The following TMEM203 variants were observed in gnomAD, a reference collection of about 807,000 sequenced individuals.
The protein encoded by TMEM203 is transmembrane protein 203, also known as HBeAg-binding protein 1.
Under a neutral mutation model 7.9 loss-of-function variants are expected in TMEM203, and 4 were observed. That is an observed-to-expected ratio of 0.51 (90% CI 0.25 to 1.16). The LOEUF (loss-of-function observed/expected upper bound fraction) is 1.16, where lower values mean the gene tolerates loss of function less well. Ranked by LOEUF, TMEM203 falls within the 50% of genes most tolerant of loss-of-function variation. The pLI, the probability that TMEM203 is intolerant of heterozygous loss-of-function variation, is 0.15. For synonymous variants in TMEM203, 92 were observed against 82.5 expected, an observed-to-expected ratio of 1.11 and a Z score of -0.62; for missense variants, 127 against 174.4, an observed-to-expected ratio of 0.73 and a Z score of 1.53.
At position 137,204,782 on chromosome 9, in the gene TMEM203, AC is replaced by A; in HGVS notation, c.*221del. 1.6e-6 allele frequency: 1 copy of A among 632,200 alleles called. No individual in the cohort carries two copies. Among genetic ancestry groups the A allele is most frequent in the East Asian group, 2.8e-5 (1 of 35,392 alleles). The allele number at this position is 632,200 out of a possible 1,614,324, so 39.2% of individuals were successfully genotyped here. A position where few individuals can be genotyped will look rare whatever the true frequency, so the allele number is the denominator to read the frequency against. On this transcript the variant is annotated 3_prime_UTR_variant, in exon 1 of 1. Coordinates refer to ENST00000343666, the MANE Select transcript of TMEM203 (RefSeq NM_053045.2). ...CAGGATTATCTACTCAAAGCATTAA[AC>A]AAAAGGAAATACATTTTCAGGATGA...
In TMEM203 at chr9:137,204,816, T is replaced by A; in HGVS notation, c.*188A>T. On this transcript the variant is annotated 3_prime_UTR_variant, in exon 1 of 1. Transcript: ENST00000343666. ...AATACATTTTCAGGATGAAGGCTGC[T>A]CTTTTAAGCCCTGCTGAAGAAACCA... The A allele has an allele frequency of 1.4e-6, 1 of 709,078 alleles. No homozygotes were observed. Among genetic ancestry groups the A allele is most frequent in the Non-Finnish European group, 2.3e-6 (1 of 442,390 alleles). 43.9% of individuals were successfully genotyped at this position (709,078 alleles called of 1,614,324 possible).
chr9:137,205,223 G>A lies in TMEM203; in HGVS notation c.192C>T (p.Thr64=), dbSNP rs113235610. The A allele has an allele frequency of 1.3e-3, 2,051 of 1,612,052 alleles. 26 individuals are homozygous for A. The African/African-American group carries it at 0.024, about 19-fold the overall frequency. The stretch of plus-strand genomic sequence containing the variant: ...GGAAGAGGCGCACGGACACGATGGT[G>A]GTGAAGTAGGTGCTGAGCCCGTCAG... ...FAADGLSTYF[T]TIVSVRLFQD... The change falls in exon 1 of 1, where the codon ACC becomes ACT. Residue 64 remains threonine, a synonymous_variant. Coordinates refer to ENST00000343666, the MANE Select transcript of TMEM203 (RefSeq NM_053045.2).
In TMEM203 at chr9:137,205,208, C is replaced by T; in HGVS notation, c.207G>A (p.Val69=). 1.9e-6 allele frequency: 3 copies of T among 1,612,532 alleles called. No homozygotes were observed. The highest frequency in any genetic ancestry group is 2.5e-6 in the Non-Finnish European group (3 of 1,179,800). ...GCTTCTCTCCATCCTGGAAGAGGCG[C>T]ACGGACACGATGGTGGTGAAGTAGG... is the stretch of plus-strand genomic sequence containing the variant. ...LSTYFTTIVS[V]RLFQDGEKRL... is the part of the protein sequence containing the mutation. The change falls in exon 1 of 1, where the codon GTG becomes GTA. Residue 69 remains valine (V), a synonymous_variant. Coordinates refer to ENST00000343666, the MANE Select transcript of TMEM203 (RefSeq NM_053045.2).
Position 137,205,389 on chromosome 9 carries a change from A to T in TMEM203, c.26T>A (p.Val9Glu). MLFSLREL[V>E]QWLGFATFEI... ...GAAGGTGGCGAAGCCTAGCCACTGC[A>T]CCAGCTCCCGGAGCGAGAAGAGCAT... The change falls in exon 1 of 1, where the codon GTG (valine) becomes GAG (glutamate). Residue 9 changes from valine to glutamate, a missense_variant. Coordinates refer to ENST00000343666, the MANE Select transcript of TMEM203 (RefSeq NM_053045.2). 6.3e-7 allele frequency: 1 copy of T among 1,590,548 alleles called. No homozygotes were observed. The highest frequency in any genetic ancestry group is 8.6e-7 in the Non-Finnish European group (1 of 1,167,610).
In TMEM203 at chr9:137,205,013, C is replaced by T. The variant is rs756154774; in HGVS notation, c.402G>A (p.Arg134=). 1 of 1,605,120 alleles carries T rather than the reference C, an allele frequency of 6.2e-7. No individual in the cohort carries two copies. Among genetic ancestry groups the T allele is most frequent in the South Asian group, 1.1e-5 (1 of 90,884 alleles). Residue 134 remains arginine, a synonymous_variant, in exon 1 of 1, where the codon CGG becomes CGA. Transcript: ENST00000343666. ...LLQLLMIRAC[R]VN ...CGGCACCTCGGTGAGGCTAGTTGAC[C>T]CGACAGGCGCGGATCATGAGCAGCT...
rs1834900365 is a variant in TMEM203 at position 137,205,236 on chromosome 9, C to T, written c.179G>A (p.Ser60Asn). 6.2e-7 allele frequency: 1 copy of T among 1,611,930 alleles called. No individual in the cohort carries two copies. The highest frequency in any genetic ancestry group is 2.2e-5 in the East Asian group (1 of 44,844). Residue 60 changes from serine (S) to asparagine (N), a missense_variant, in exon 1 of 1, where the codon AGC (serine) becomes AAC (asparagine). Coordinates refer to ENST00000343666, the MANE Select transcript of TMEM203 (RefSeq NM_053045.2). ...FVPFFAADGL[S>N]TYFTTIVSVR... Reference sequence around the variant, plus strand: ...GGACACGATGGTGGTGAAGTAGGTGCTGAGCCCGTCAGCGGCGAAGAAAGG... The same window carrying T: ...GGACACGATGGTGGTGAAGTAGGTGTTGAGCCCGTCAGCGGCGAAGAAAGG...
Position 137,205,112 on chromosome 9 carries a change from C to T in TMEM203, c.303G>A (p.Leu101=). ...GAGTCTGCTCCGCCAGCTTCTGGCA[C>T]AACAGCATCTCGAAGACGAACTTGA... The part of the protein sequence containing the change: ...LSLKFVFEML[L]CQKLAEQTRE... The change falls in exon 1 of 1, where the codon TTG becomes TTA. Residue 101 remains leucine, a synonymous_variant. Coordinates refer to ENST00000343666, the MANE Select transcript of TMEM203 (RefSeq NM_053045.2). 1 of 1,612,986 alleles carries T rather than the reference C, an allele frequency of 6.2e-7. No individual in the cohort carries two copies. The highest frequency in any genetic ancestry group is 8.5e-7 in the Non-Finnish European group (1 of 1,179,996).
In TMEM203 at chr9:137,205,217, G is replaced by A. The variant is rs1013239376; in HGVS notation, c.198C>T (p.Ile66=). The A allele has an allele frequency of 1.9e-6, 3 of 1,612,246 alleles. No individual in the cohort carries two copies. The highest frequency in any genetic ancestry group is 2.5e-6 in the Non-Finnish European group (3 of 1,179,724). ...CATCCTGGAAGAGGCGCACGGACAC[G>A]ATGGTGGTGAAGTAGGTGCTGAGCC... ...ADGLSTYFTT[I]VSVRLFQDGE... Residue 66 remains isoleucine, a synonymous_variant, in exon 1 of 1, where the codon ATC becomes ATT. Coordinates refer to ENST00000343666, the MANE Select transcript of TMEM203 (RefSeq NM_053045.2).
chr9:137,204,984 T>A lies in TMEM203; in HGVS notation c.*20A>T. ...AACATTCTAGTTGTCCAGCGCTCCC[T>A]CTCCGGCACCTCGGTGAGGCTAGTT... On this transcript the variant is annotated 3_prime_UTR_variant, in exon 1 of 1. Transcript: ENST00000343666. 6.3e-7 allele frequency: 1 copy of A among 1,593,096 alleles called. No homozygotes were observed. The highest frequency in any genetic ancestry group is 8.6e-7 in the Non-Finnish European group (1 of 1,166,264).
chr9:137,205,538 C>T lies in TMEM203; in HGVS notation c.-124G>A. On this transcript the variant is annotated 5_prime_UTR_variant, in exon 1 of 1. Coordinates refer to ENST00000343666, the MANE Select transcript of TMEM203 (RefSeq NM_053045.2). ...TGCGAGCGAGAGGCAGCGAGCGGCC[C>T]CGCCAGCCCCAGCCCTCGGCCCTGA... The T allele has an allele frequency of 2.5e-6, 3 of 1,219,902 alleles. No individual in the cohort carries two copies. The highest frequency in any genetic ancestry group is 2.1e-6 in the Non-Finnish European group (2 of 942,652). 75.6% of individuals were successfully genotyped at this position (1,219,902 alleles called of 1,614,324 possible). A position where few individuals can be genotyped will look rare whatever the true frequency, so the allele number is the denominator to read the frequency against.
chr9:137,205,641 G>GC lies in TMEM203; in HGVS notation c.-228dup. ...AACGCCCGCCTCGATCGGACGCCAT[G>GC]CCCCCACAGGGCGCGTCCCTAGTGC... On this transcript the variant is annotated 5_prime_UTR_variant, in exon 1 of 1. Transcript: ENST00000343666. 1 of 1,433,068 alleles carries GC rather than the reference G, an allele frequency of 7.0e-7. No homozygotes were observed. Among genetic ancestry groups the GC allele is most frequent in the Non-Finnish European group, 9.5e-7 (1 of 1,051,794 alleles). 88.8% of individuals were successfully genotyped at this position (1,433,068 alleles called of 1,614,324 possible).
In TMEM203 at chr9:137,205,644, C is replaced by T; in HGVS notation, c.-230G>A. The T allele has an allele frequency of 2.1e-6, 3 of 1,457,168 alleles. No homozygotes were observed. The highest frequency in any genetic ancestry group is 1.8e-5 in the Admixed American group (1 of 56,328). 90.3% of individuals were successfully genotyped at this position (1,457,168 alleles called of 1,614,324 possible). ...GCCCGCCTCGATCGGACGCCATGCC[C>T]CCACAGGGCGCGTCCCTAGTGCGTC... On this transcript the variant is annotated 5_prime_UTR_variant, in exon 1 of 1. Coordinates refer to ENST00000343666, the MANE Select transcript of TMEM203 (RefSeq NM_053045.2).
At position 137,205,644 on chromosome 9, in the gene TMEM203, C is replaced by G; in HGVS notation, c.-230G>C. The G allele has an allele frequency of 6.9e-7, 1 of 1,457,168 alleles. No individual in the cohort carries two copies. Among genetic ancestry groups the G allele is most frequent in the Non-Finnish European group, 9.4e-7 (1 of 1,069,394 alleles). 90.3% of individuals were successfully genotyped at this position (1,457,168 alleles called of 1,614,324 possible). On this transcript the variant is annotated 5_prime_UTR_variant, in exon 1 of 1. Coordinates refer to ENST00000343666, the MANE Select transcript of TMEM203 (RefSeq NM_053045.2). The stretch of plus-strand genomic sequence containing the variant: ...GCCCGCCTCGATCGGACGCCATGCC[C>G]CCACAGGGCGCGTCCCTAGTGCGTC...
chr9:137,204,708 G>A lies in TMEM203; in HGVS notation c.*296C>T, dbSNP rs530262740. 1.1e-5 allele frequency: 4 copies of A among 350,758 alleles called. No individual in the cohort carries two copies. Among genetic ancestry groups the A allele is most frequent in the African/African-American group, 8.2e-5 (4 of 48,854 alleles). 21.7% of individuals were successfully genotyped at this position (350,758 alleles called of 1,614,324 possible). A position where few individuals can be genotyped will look rare whatever the true frequency, so the allele number is the denominator to read the frequency against. On this transcript the variant is annotated 3_prime_UTR_variant, in exon 1 of 1. Transcript: ENST00000343666. ...ACTTATATTCAGTTTCCAAGTGTCA[G>A]AGGGGTTCAGGACTGTCTGGCCTGG...
rs1225308872 is a variant in TMEM203 at position 137,205,457 on chromosome 9, C to A, written c.-43G>T. 6.9e-7 allele frequency: 1 copy of A among 1,457,014 alleles called. No individual in the cohort carries two copies. Among genetic ancestry groups the A allele is most frequent in the South Asian group, 1.4e-5 (1 of 71,328 alleles). The allele number at this position is 1,457,014 out of a possible 1,614,324, so 90.3% of individuals were successfully genotyped here. A position where few individuals can be genotyped will look rare whatever the true frequency, so the allele number is the denominator to read the frequency against. On this transcript the variant is annotated 5_prime_UTR_variant, in exon 1 of 1. Transcript: ENST00000343666. ...GGCCGGGGCCCGGCCGAGCGTGCCA[C>A]CCGCGGGGCTGCGTCTCCTCTCCCC...
At position 137,205,430 on chromosome 9, in the gene TMEM203, CG is replaced by C; in HGVS notation, c.-17del. 6.5e-7 allele frequency: 1 copy of C among 1,527,990 alleles called. No individual in the cohort carries two copies. Among genetic ancestry groups the C allele is most frequent in the Non-Finnish European group, 8.8e-7 (1 of 1,133,100 alleles). 94.7% of individuals were successfully genotyped at this position (1,527,990 alleles called of 1,614,324 possible). On this transcript the variant is annotated 5_prime_UTR_variant, in exon 1 of 1. Coordinates refer to ENST00000343666, the MANE Select transcript of TMEM203 (RefSeq NM_053045.2). ...AGAAGAGCATCGCGCCCGTTGAGCG[CG>C]GGCCGGGGCCCGGCCGAGCGTGCCA...
In TMEM203 at chr9:137,204,980, T is replaced by TC; in HGVS notation, c.*23dup. 4 of 1,588,758 alleles carry TC rather than the reference T, an allele frequency of 2.5e-6. No individual in the cohort carries two copies. The highest frequency in any genetic ancestry group is 3.4e-6 in the Non-Finnish European group (4 of 1,163,860). On this transcript the variant is annotated 3_prime_UTR_variant, in exon 1 of 1. Transcript: ENST00000343666. ...GGTCAACATTCTAGTTGTCCAGCGC[T>TC]CCCTCTCCGGCACCTCGGTGAGGCT...
Position 137,204,941 on chromosome 9 carries a change from G to T in TMEM203, c.*63C>A. ...CCTCTCCTCCGGTGCGCTGCAAGTA[G>T]GGCCTCGGCTCGAGGTCAACATTCT... is the stretch of plus-strand genomic sequence containing the variant. On this transcript the variant is annotated 3_prime_UTR_variant, in exon 1 of 1. Transcript: ENST00000343666. The T allele has an allele frequency of 6.5e-7, 1 of 1,535,176 alleles. No individual in the cohort carries two copies.
In TMEM203 at chr9:137,205,646, C is replaced by T; in HGVS notation, c.-232G>A. On this transcript the variant is annotated 5_prime_UTR_variant, in exon 1 of 1. Coordinates refer to ENST00000343666, the MANE Select transcript of TMEM203 (RefSeq NM_053045.2). ...CCGCCTCGATCGGACGCCATGCCCCCACAGGGCGCGTCCCTAGTGCGTCAC... is the reference window on the plus strand; with the variant it reads ...CCGCCTCGATCGGACGCCATGCCCCTACAGGGCGCGTCCCTAGTGCGTCAC... The T allele has an allele frequency of 2.0e-6, 3 of 1,467,772 alleles. 1 individual carries two copies. In the South Asian group the frequency reaches 3.6e-5, roughly 18 times the overall value. The allele number at this position is 1,467,772 out of a possible 1,614,324, so 90.9% of individuals were successfully genotyped here. A position where few individuals can be genotyped will look rare whatever the true frequency, so the allele number is the denominator to read the frequency against.
Sources: gnomAD v4.1 joint callset for allele counts on GRCh38, gnomAD v4.1.1 for gene constraint, MANE v1.5 for transcripts, NCBI Gene and HGNC (gene_info 2026-07-23, HGNC 2026-07-21) for gene names.